The following NTNG1 variants were observed in gnomAD, a reference collection of about 807,000 sequenced individuals.
The protein encoded by NTNG1 is netrin-G1.
NTNG1 carries 16 observed loss-of-function variants against 54.0 expected under a neutral mutation model. That is an observed-to-expected ratio of 0.30 (90% CI 0.20 to 0.45). NTNG1 has a LOEUF of 0.45. NTNG1 is among the 20% of genes least tolerant of loss of function. The pLI, the probability that NTNG1 is intolerant of heterozygous loss-of-function variation, is 1.00. For missense variants in NTNG1, 530 were observed against 678.7 expected (o/e 0.78, Z 2.43); for synonymous variants, 255 against 263.1 (o/e 0.97, Z 0.30).
chr1:107,168,163 C>T (rs547439724), intron 2 of NTNG1, among the ~76,000 whole-genome samples: 10 of 151,744 alleles, frequency 6.6e-5, no homozygotes, highest in East Asian at 1.9e-4. Context: ...CCTCCCTCCC[C>T]GCATCCCCCT....
At position 107,201,577 on chromosome 1, in the gene NTNG1, T is replaced by G. The variant is rs1658761999; in HGVS notation, c.246+52738T>G. 2.0e-5 allele frequency among the ~76,000 whole-genome samples: 3 copies of G among 151,850 alleles called. No individual in the cohort carries two copies. The South Asian group carries it at 6.2e-4, about 31-fold the overall frequency. On this transcript the variant is annotated intron_variant, in intron 2 of 7. Coordinates refer to ENST00000370068, the MANE Select transcript of NTNG1 (RefSeq NM_001113226.3). ...TATTTCCTTTGCTCCACACTCTCCA[T>G]TCTGTATTCTTGATCACATATTGTA...
At chr1:107,307,117 A>G (rs1666739162) in intron 2 of NTNG1, among the ~76,000 whole-genome samples, 1 of 152,244 alleles carries the variant, frequency 6.6e-6, no homozygotes, top group African/African-American at 2.4e-5. Context: ...ATGATAGTAC[A>G]ATCAGAGCCA....
chr1:107,426,665 T>G (rs559549974), intron 5 of NTNG1, among the ~76,000 whole-genome samples: 20 of 152,082 alleles, frequency 1.3e-4, no homozygotes, highest in Non-Finnish European at 2.2e-4. Flanking sequence ...GGGCTTTTTT[T>G]GGGGGGTGGG....
At chr1:107,447,186 G>T (rs1287172118) in intron 7 of NTNG1, among the ~76,000 whole-genome samples, 1 of 151,884 alleles carries the variant, frequency 6.6e-6, no homozygotes, top group African/African-American at 2.4e-5. Context: ...CATACATTTA[G>T]GCCTCTTTTT....
At chr1:107,413,062 C>T (rs1673939500) in intron 5 of NTNG1, among the ~76,000 whole-genome samples, 1 of 152,072 alleles carries the variant, frequency 6.6e-6, no homozygotes, top group Admixed American at 6.6e-5. Context: ...AAGATTACCT[C>T]CAAGGCTCTG....
intron 2 of NTNG1, among the ~76,000 whole-genome samples, chr1:107,187,084 G>T (rs1309387604): frequency 2.0e-5 from 3 of 152,092 alleles, no homozygotes; most frequent in Non-Finnish European, 4.4e-5. Flanking sequence ...ACCAGTCTCT[G>T]TTGCCTCTAG....
At chr1:107,228,905 A>G (rs943079847) in intron 2 of NTNG1, among the ~76,000 whole-genome samples, 7 of 152,148 alleles carry the variant, frequency 4.6e-5, no homozygotes, top group African/African-American at 1.7e-4. Flanking sequence ...GGCTGGCAGC[A>G]TTGCTCCCCG....
intron 2 of NTNG1, among the ~76,000 whole-genome samples, chr1:107,234,100 T>C (rs1057401133): frequency 1.3e-5 from 2 of 152,108 alleles, no homozygotes; most frequent in Non-Finnish European, 2.9e-5. Context: ...TCTAATAGCA[T>C]AATGACGTAA....
intron 2 of NTNG1, among the ~76,000 whole-genome samples, chr1:107,190,505 C>T (rs1353434719): frequency 6.6e-6 from 1 of 151,978 alleles, no homozygotes; most frequent in African/African-American, 2.4e-5. Flanking sequence ...TATACATGTG[C>T]CATGTTGGTG....
Position 107,430,772 on chromosome 1 carries a change from C to T in NTNG1, c.1110C>T (p.Ser370=), listed in dbSNP as rs1319398180. ...SIGNCECFGH[S]NRCSYIDLLN... Reference sequence around the variant, plus strand: ...AAGATTGTGAATGCTTCGGCCACTCCAATCGATGCAGTTATATCGATCTGC... The same window carrying T: ...AAGATTGTGAATGCTTCGGCCACTCTAATCGATGCAGTTATATCGATCTGC... The change falls in exon 6 of 8, where the codon TCC becomes TCT. Residue 370 remains serine (S), a synonymous_variant. Transcript: ENST00000370068. The T allele has an allele frequency of 1.2e-6, 2 of 1,613,110 alleles. No individual in the cohort carries two copies. The highest frequency in any genetic ancestry group is 2.7e-5 in the African/African-American group (2 of 74,886).
At chr1:107,189,590 A>T (rs780586167) in intron 2 of NTNG1, among the ~76,000 whole-genome samples, 5 of 152,036 alleles carry the variant, frequency 3.3e-5, no homozygotes, top group Non-Finnish European at 5.9e-5. Flanking sequence ...TGAGCATAGC[A>T]CTAGGTTCAT....
At chr1:107,296,319 C>T (rs1222138055) in intron 2 of NTNG1, among the ~76,000 whole-genome samples, 1 of 152,090 alleles carries the variant, frequency 6.6e-6, no homozygotes, top group Admixed American at 6.6e-5. Flanking sequence ...CATAGGTCAA[C>T]ATCTTACTCA....
chr1:107,294,409 A>C (rs1297266302), intron 2 of NTNG1, among the ~76,000 whole-genome samples: 1 of 152,156 alleles, frequency 6.6e-6, no homozygotes, highest in African/African-American at 2.4e-5. Flanking sequence ...TGCAGGCTGC[A>C]TGCCTGTTCA....
chr1:107,172,112 A>G (rs1264388945), intron 2 of NTNG1, among the ~76,000 whole-genome samples: 2 of 152,112 alleles, frequency 1.3e-5, no homozygotes, highest in African/African-American at 2.4e-5. Context: ...ACGTATGCCA[A>G]GCATTTTGCC....
At chr1:107,407,587 A>T in intron 4 of NTNG1, 95 bp from the exon 5 acceptor site, 1 of 958,010 alleles carries the variant, frequency 1.0e-6, no homozygotes, top group South Asian at 1.6e-5. Context: ...GAATATTATC[A>T]AGTGTCAAGT....
chr1:107,155,709 T>A (rs2101037932), intron 2 of NTNG1, among the ~76,000 whole-genome samples: 1 of 152,298 alleles, frequency 6.6e-6, no homozygotes, highest in East Asian at 1.9e-4. Flanking sequence ...TTGTTTTTTA[T>A]TCCTTGAACA....
intron 2 of NTNG1, among the ~76,000 whole-genome samples, chr1:107,159,302 A>T (rs1655236736): frequency 6.6e-6 from 1 of 152,176 alleles, no homozygotes; most frequent in African/African-American, 2.4e-5. Flanking sequence ...CTGGCTCAGA[A>T]TCATGTTCTA....
At chr1:107,189,802 C>T (rs2101184529) in intron 2 of NTNG1, among the ~76,000 whole-genome samples, 1 of 129,466 alleles carries the variant, frequency 7.7e-6, no homozygotes, top group East Asian at 2.4e-4. Flanking sequence ...ACAGCTATGG[C>T]CTACCAAGTC....
intron 2 of NTNG1, among the ~76,000 whole-genome samples, chr1:107,174,857 C>G (rs922045657): frequency 3.8e-4 from 57 of 151,724 alleles, no homozygotes; most frequent in Non-Finnish European, 1.2e-4. Flanking sequence ...TAGTACCATC[C>G]CTGATATATA....
Sources: gnomAD v4.1 joint callset for allele counts (sites outside exome capture counted in the v4.1 genomes callset) on GRCh38, gnomAD v4.1.1 for gene constraint, MANE v1.5 for transcripts, NCBI Gene and HGNC (gene_info 2026-07-23, HGNC 2026-07-21) for gene names.